DGKI: variants seen among roughly 807,000 people sequenced by gnomAD.
DGKI encodes DAG kinase iota.
DGKI carries 55 observed loss-of-function variants against 147.5 expected under a neutral mutation model. The observed-to-expected ratio is 0.37, with a 90% CI of 0.30 to 0.47. The LOEUF is 0.47. Ranked by LOEUF, DGKI falls within the 20% of genes least tolerant of loss-of-function variation. The pLI, the probability that DGKI is intolerant of heterozygous loss-of-function variation, is 1.00. For missense variants in DGKI, 1,007 were observed against 1,323.8 expected, an observed-to-expected ratio of 0.76 and a Z score of 3.71; for synonymous variants, 469 against 477.1, an observed-to-expected ratio of 0.98 and a Z score of 0.22.
chr7:137,576,062 G>A (rs1289020156), intron 17 of DGKI, among the ~76,000 whole-genome samples: 3 of 101,634 alleles, frequency 3.0e-5, no homozygotes, highest in African/African-American at 1.4e-4. Context: ...TTTTTTAGAC[G>A]GAGTGTTGCT....
At chr7:137,430,285 T>G (rs1426704997) in intron 28 of DGKI, among the ~76,000 whole-genome samples, 1 of 151,816 alleles carries the variant, frequency 6.6e-6, no homozygotes, top group African/African-American at 2.4e-5. Flanking sequence ...ATCATCATTC[T>G]CAGTAAACTA....
At chr7:137,532,816 C>G (rs180671563) in intron 20 of DGKI, among the ~76,000 whole-genome samples, 1 of 152,124 alleles carries the variant, frequency 6.6e-6, no homozygotes, top group Non-Finnish European at 1.5e-5. Context: ...ATAAACTGCT[C>G]TTATTTCTTG....
Position 137,593,037 on chromosome 7 carries a change from T to C in DGKI, c.1311+4810A>G, listed in dbSNP as rs573762499. 3.3e-5 allele frequency among the ~76,000 whole-genome samples: 5 copies of C among 152,336 alleles called. 1 individual carries two copies. Among genetic ancestry groups the C allele is most frequent in the Admixed American group, 2.6e-4 (4 of 15,304 alleles). On this transcript the variant is annotated intron_variant, in intron 12 of 32. Coordinates refer to ENST00000614521, the MANE Select transcript of DGKI (RefSeq NM_001321708.2). ...GGAAAATAATACTTCCTTCTTTGCATTGGCTGTGGTGAGTCAGGGCATGGG... is the reference window on the plus strand; with the variant it reads ...GGAAAATAATACTTCCTTCTTTGCACTGGCTGTGGTGAGTCAGGGCATGGG...
At chr7:137,790,279 A>T (rs1796812650) in intron 1 of DGKI, among the ~76,000 whole-genome samples, 1 of 149,794 alleles carries the variant, frequency 6.7e-6, no homozygotes. Context: ...CACTGGAACC[A>T]CTCTTTCGCC....
chr7:137,511,971 C>G (rs1816595136), intron 21 of DGKI, among the ~76,000 whole-genome samples: 2 of 152,206 alleles, frequency 1.3e-5, no homozygotes. Context: ...GTTGTGACTA[C>G]AGCAAAGTTC....
chr7:137,507,547 T>A (rs920372356), intron 21 of DGKI, among the ~76,000 whole-genome samples: 2 of 152,228 alleles, frequency 1.3e-5, no homozygotes, highest in Admixed American at 1.3e-4. Context: ...CAACTCATGG[T>A]TTCTATCTTC....
intron 32 of DGKI, among the ~76,000 whole-genome samples, chr7:137,393,603 A>G (rs901960012): frequency 3.9e-5 from 6 of 152,364 alleles, no homozygotes; most frequent in African/African-American, 1.4e-4. Context: ...AGAACATCAC[A>G]TTGAGAAATT....
intron 28 of DGKI, among the ~76,000 whole-genome samples, chr7:137,439,216 G>C (rs535897114): frequency 6.6e-6 from 1 of 152,318 alleles, no homozygotes; most frequent in Non-Finnish European, 1.5e-5. Context: ...TGAAAGAAAA[G>C]TGAATTGATG....
Position 137,572,791 on chromosome 7 carries a change from C to A in DGKI, c.1809G>T (p.Gln603His), listed in dbSNP as rs1332981730. The change falls in exon 18 of 33, where the codon CAG becomes CAT. Residue 603 changes from glutamine to histidine, a missense_variant. By Grantham distance (24) the Gln-to-His change is conservative. Around this residue, in one of 5 missense-constraint regions of DGKI, gnomAD observed 224 missense variants for 382.7 expected, o/e 0.59. Coordinates refer to ENST00000614521, the MANE Select transcript of DGKI (RefSeq NM_001321708.2). ...TGGGTATATTTAAAAATACTATACA[C>A]TGGAACTTCAGTTCCTGAATCTTTG... ...LTPKIQELKF[Q>H]CIVFLNIPRY... 3 of 1,612,094 alleles carry A rather than the reference C, an allele frequency of 1.9e-6. No homozygotes were observed. The highest frequency in any genetic ancestry group is 2.5e-6 in the Non-Finnish European group (3 of 1,179,200).
intron 1 of DGKI, among the ~76,000 whole-genome samples, chr7:137,771,168 G>C (rs1796183979): frequency 6.6e-6 from 1 of 152,058 alleles, no homozygotes; most frequent in Non-Finnish European, 1.5e-5. Context: ...TCAGTTCACT[G>C]CAACCTCCAC....
At chr7:137,624,190 T>C (rs906273859) in intron 6 of DGKI, among the ~76,000 whole-genome samples, 13 of 152,240 alleles carry the variant, frequency 8.5e-5, no homozygotes, top group African/African-American at 3.1e-4. Context: ...GAATTACTTT[T>C]CCATCCAGAA....
chr7:137,486,409 G>A (rs1040976955), intron 22 of DGKI, among the ~76,000 whole-genome samples: 11 of 151,936 alleles, frequency 7.2e-5, no homozygotes, highest in Non-Finnish European at 1.6e-4. Flanking sequence ...TTCATTACAG[G>A]TTTCTGGAGT....
intron 21 of DGKI, among the ~76,000 whole-genome samples, chr7:137,503,454 T>C (rs1202905003): frequency 1.3e-5 from 2 of 152,140 alleles, no homozygotes; most frequent in Non-Finnish European, 2.9e-5. Flanking sequence ...CGTTCTCACT[T>C]GAGGTGTGAA....
At chr7:137,435,641 C>CA (rs942227136) in intron 28 of DGKI, among the ~76,000 whole-genome samples, 7 of 151,060 alleles carry the variant, frequency 4.6e-5, no homozygotes, top group South Asian at 2.1e-4. Context: ...TGATATGGGG[C>CA]AAAAAAAAGG....
At chr7:137,565,841 G>A (rs1818564966) in intron 19 of DGKI, among the ~76,000 whole-genome samples, 1 of 152,182 alleles carries the variant, frequency 6.6e-6, no homozygotes, top group African/African-American at 2.4e-5. Flanking sequence ...AGCACCCAAT[G>A]AAGAATCATC....
intron 2 of DGKI, among the ~76,000 whole-genome samples, chr7:137,683,618 G>A (rs1230485274): frequency 6.6e-6 from 1 of 151,972 alleles, no homozygotes; most frequent in Non-Finnish European, 1.5e-5. Context: ...GTCCCTACCT[G>A]GAAACATCTT....
chr7:137,640,613 A>C (rs1300447912), intron 6 of DGKI, among the ~76,000 whole-genome samples: 1 of 152,176 alleles, frequency 6.6e-6, no homozygotes, highest in African/African-American at 2.4e-5. Context: ...AGATTAGTAG[A>C]GTACATTGCT....
chr7:137,666,282 G>A (rs1822637233), intron 3 of DGKI, among the ~76,000 whole-genome samples: 2 of 152,164 alleles, frequency 1.3e-5, no homozygotes, highest in South Asian at 2.1e-4. Flanking sequence ...GCAAGCCTGT[G>A]GTCCCTGATA....
At chr7:137,766,655 C>T (rs898876910) in intron 1 of DGKI, among the ~76,000 whole-genome samples, 1 of 152,126 alleles carries the variant, frequency 6.6e-6, no homozygotes, top group South Asian at 2.1e-4. Flanking sequence ...TCAGCACACC[C>T]AGGGCAGGAC....
Sources: allele counts gnomAD v4.1 joint callset (sites outside exome capture counted in the v4.1 genomes callset), GRCh38; gene constraint gnomAD v4.1.1; regional missense constraint gnomAD v4.1.1; transcripts MANE v1.5; gene names NCBI Gene and HGNC (gene_info 2026-07-23, HGNC 2026-07-21).